MKI67: variants seen among roughly 807,000 people sequenced by gnomAD.
MKI67 encodes the protein marker of proliferation Ki-67, also known as proliferation marker protein Ki-67.
In MKI67, 152 loss-of-function variants were observed where a neutral mutation model predicts 233.5. That is an observed-to-expected ratio of 0.65 (90% confidence interval 0.57 to 0.74). The LOEUF is 0.74. MKI67 is among the 30% of genes least tolerant of loss of function. The probability of loss-of-function intolerance (pLI) is 0.00; values close to 1 mark genes in which losing one functional copy is unlikely to be tolerated. For synonymous variants in MKI67, 1,465 were observed against 1,418.5 expected, an observed-to-expected ratio of 1.03 and a Z score of -0.74; for missense variants, 3,940 against 3,885.2, an observed-to-expected ratio of 1.01 and a Z score of -0.37.
chr10:128,111,090 T>C (rs1852665135), intron 11 of MKI67, among the ~76,000 whole-genome samples: 1 of 152,220 alleles, frequency 6.6e-6, no homozygotes, highest in Admixed American at 6.5e-5. Context: ...AGTGTTGGGA[T>C]TACAGGCGTG....
At position 128,125,683 on chromosome 10, in the gene MKI67, T is replaced by G; in HGVS notation, c.-16A>C. The G allele has an allele frequency of 1.2e-6, 2 of 1,608,658 alleles. No individual in the cohort carries two copies. The highest frequency in any genetic ancestry group is 2.2e-5 in the East Asian group (1 of 44,824). On this transcript the variant is annotated 5_prime_UTR_variant, in exon 2 of 15. Coordinates refer to ENST00000368654, the MANE Select transcript of MKI67 (RefSeq NM_002417.5). The surrounding 1 kb of genome is among the most constrained non-coding windows in gnomAD (Gnocchi z 5.3). ...TGGGCCACATTTTCTAAACAGTAAGTTGAGTATAATCCGTAGGGGAAGGCC... is the reference window on the plus strand; with the variant it reads ...TGGGCCACATTTTCTAAACAGTAAGGTGAGTATAATCCGTAGGGGAAGGCC...
chr10:128,125,889 C>A lies in MKI67; in HGVS notation c.-89-133G>T. 1 of 543,340 alleles carries A rather than the reference C, an allele frequency of 1.8e-6. No individual in the cohort carries two copies. Among genetic ancestry groups the A allele is most frequent in the Non-Finnish European group, 3.3e-6 (1 of 304,912 alleles). The allele number at this position is 543,340 out of a possible 1,614,324, so 33.7% of individuals were successfully genotyped here. A position where few individuals can be genotyped will look rare whatever the true frequency, so the allele number is the denominator to read the frequency against. On this transcript the variant is annotated intron_variant, in intron 1 of 14. Transcript: ENST00000368654. The surrounding 1 kb of genome is among the most constrained non-coding windows in gnomAD (Gnocchi z 5.3). ...GGACCCCAGGACGATCCGACCGCAGCCCCCGGCGCCCCAAAGTCCGGCAGC... is the reference window on the plus strand; with the variant it reads ...GGACCCCAGGACGATCCGACCGCAGACCCCGGCGCCCCAAAGTCCGGCAGC...
chr10:128,110,617 A>G, intron 11 of MKI67, 84 bp from the exon 12 acceptor site: 3 of 1,045,870 alleles, frequency 2.9e-6, no homozygotes, highest in Non-Finnish European at 4.1e-6. Context: ...TAACGTGCAA[A>G]TGGTGGGAAA....
chr10:128,111,891 G>C, intron 10 of MKI67, 36 bp downstream of exon 10: 1 of 1,604,932 alleles, frequency 6.2e-7, no homozygotes, highest in Non-Finnish European at 8.5e-7. Flanking sequence ...CGATGACACC[G>C]GTATGTGTAA....
chr10:128,105,867 G>C lies in MKI67; in HGVS notation c.5973C>G (p.Thr1991=). ...TGAGTCGTTGCTTGGAGCTTGTTGGGGTTTTGACTGGGTCTGGTTGTGGAG... is the reference window on the plus strand; with the variant it reads ...TGAGTCGTTGCTTGGAGCTTGTTGGCGTTTTGACTGGGTCTGGTTGTGGAG... The part of the protein sequence containing the change: ...CKSPQPDPVK[T]PTSSKQRLKI... Residue 1991 remains threonine (T), a synonymous_variant, in exon 13 of 15, where the codon ACC becomes ACG. Coordinates refer to ENST00000368654, the MANE Select transcript of MKI67 (RefSeq NM_002417.5). 1.2e-6 allele frequency: 2 copies of C among 1,613,774 alleles called. No individual in the cohort carries two copies. The highest frequency in any genetic ancestry group is 2.7e-5 in the African/African-American group (2 of 74,896).
At position 128,106,628 on chromosome 10, in the gene MKI67, T is replaced by G; in HGVS notation, c.5212A>C (p.Arg1738=). Residue 1738 remains arginine, a synonymous_variant, in exon 13 of 15, where the codon AGA becomes CGA. Coordinates refer to ENST00000368654, the MANE Select transcript of MKI67 (RefSeq NM_002417.5). ...TCCACTAGGTCTGGCTGTGAAGCTC[T>G]GTAGGATACTTTGGTAGTTTTTTCG... ...TNEKTTKVSY[R]ASQPDLVDTP... is the part of the protein sequence containing the mutation. The G allele has an allele frequency of 1.2e-6, 2 of 1,614,192 alleles. No homozygotes were observed. The highest frequency in any genetic ancestry group is 1.7e-6 in the Non-Finnish European group (2 of 1,180,036).
rs151056270 is a variant in MKI67 at position 128,107,348 on chromosome 10, G to A, written c.4492C>T (p.Pro1498Ser). The change falls in exon 13 of 15, where the codon CCA (proline) becomes TCA (serine). Residue 1498 changes from proline to serine, a missense_variant. By Grantham distance (74) the Pro-to-Ser change is moderately conservative (BLOSUM62 -1). Transcript: ENST00000368654. ...KTTKIACRSQ[P>S]DPVDTPTSSK... is the part of the protein sequence containing the mutation. The stretch of plus-strand genomic sequence containing the variant: ...CTTGTTGGTGTGTCCACTGGGTCTG[G>A]TTGTGATCTGCAGGCTATTTTGGTA... 18 of 1,613,838 alleles carry A rather than the reference G, an allele frequency of 1.1e-5. No individual in the cohort carries two copies. The highest frequency in any genetic ancestry group is 2.2e-5 in the South Asian group (2 of 91,064).
At chr10:128,124,788 A>C (rs1321441798) in intron 2 of MKI67, among the ~76,000 whole-genome samples, 1 of 152,212 alleles carries the variant, frequency 6.6e-6, no homozygotes, top group Non-Finnish European at 1.5e-5. Flanking sequence ...AAATCACACA[A>C]GCTTGAGGAA....
Position 128,097,485 on chromosome 10 carries a change from A to G in MKI67, c.*1705T>C, listed in dbSNP as rs544210086. ...AGATTTCTGGTTAGAGCTGAACTCTAAAGGATTTTTCTACTAAACAGAATA... is the reference window on the plus strand; with the variant it reads ...AGATTTCTGGTTAGAGCTGAACTCTGAAGGATTTTTCTACTAAACAGAATA... On this transcript the variant is annotated 3_prime_UTR_variant, in exon 15 of 15. Transcript: ENST00000368654. 1 of 152,158 alleles carries G rather than the reference A, an allele frequency of 6.6e-6. No individual in the cohort carries two copies. The highest frequency in any genetic ancestry group is 1.5e-5 in the Non-Finnish European group (1 of 68,038). 9.4% of individuals were successfully genotyped at this position (152,158 alleles called of 1,614,324 possible).
chr10:128,116,693 G>A (rs1381283086), intron 5 of MKI67, among the ~76,000 whole-genome samples, 157 bp from the exon 6 acceptor site: 2 of 152,226 alleles, frequency 1.3e-5, no homozygotes, highest in African/African-American at 2.4e-5. Flanking sequence ...GATCACTTGA[G>A]GTCAGGAGTT....
intron 11 of MKI67, among the ~76,000 whole-genome samples, chr10:128,111,253 C>G (rs1157961600): frequency 1.3e-5 from 2 of 152,190 alleles, no homozygotes; most frequent in East Asian, 3.8e-4. Context: ...CCTAGAAAGT[C>G]AATCCTGAAG....
intron 8 of MKI67, 74 bp from the exon 9 acceptor site, chr10:128,112,519 T>G: frequency 7.2e-7 from 1 of 1,386,510 alleles, no homozygotes; most frequent in Non-Finnish European, 1.0e-6. Flanking sequence ...TAAAAACCTA[T>G]TCAGTTAAGA....
At position 128,115,238 on chromosome 10, in the gene MKI67, AAG is replaced by A; in HGVS notation, c.1168_1169del (p.Leu390TyrfsTer8). 1 of 1,614,224 alleles carries A rather than the reference AAG, an allele frequency of 6.2e-7. No individual in the cohort carries two copies. The highest frequency in any genetic ancestry group is 8.5e-7 in the Non-Finnish European group (1 of 1,180,042). On this transcript the variant is annotated frameshift_variant, in exon 7 of 15. Coordinates refer to ENST00000368654, the MANE Select transcript of MKI67 (RefSeq NM_002417.5). LOFTEE classifies it high-confidence loss of function. ...TTCTAGTTGAAAGCTTCCTGGGAGT[AAG>A]AGTTTTATCACCAGCCTTGAAGCCT... Reference protein sequence around the residue: ...SEGFKAGDKTLTPRKLSTRNR... With the variant: ...SEGFKAGDKTXTPRKLSTRNR...
At position 128,109,376 on chromosome 10, in the gene MKI67, C is replaced by T. The variant is rs1397295755; in HGVS notation, c.2464G>A (p.Asp822Asn). Reference sequence around the variant, plus strand: ...AAGGGAGGGCTTGCAGAGCATTTATCAGATGGCTGTTTTGCTGCATTCTGT... The same window carrying T: ...AAGGGAGGGCTTGCAGAGCATTTATTAGATGGCTGTTTTGCTGCATTCTGT... ...SAQNAAKQPS[D>N]KCSASPPLRR... The change falls in exon 13 of 15, where the codon GAT becomes AAT. Residue 822 changes from aspartate (D) to asparagine (N), a missense_variant. By Grantham distance (23) the Asp-to-Asn change is conservative. Coordinates refer to ENST00000368654, the MANE Select transcript of MKI67 (RefSeq NM_002417.5). 15 of 1,614,052 alleles carry T rather than the reference C, an allele frequency of 9.3e-6. 1 individual carries two copies. The South Asian group carries it at 1.4e-4, about 15-fold the overall frequency.
At position 128,108,504 on chromosome 10, in the gene MKI67, T is replaced by C. The variant is rs1479317643; in HGVS notation, c.3336A>G (p.Pro1112=). Residue 1112 remains proline, a synonymous_variant, in exon 13 of 15, where the codon CCA becomes CCG. Coordinates refer to ENST00000368654, the MANE Select transcript of MKI67 (RefSeq NM_002417.5). ...LAGFKELFQT[P]GPSEESMTDE... ...CAGTCATTGATTCCTCAGAGGGACC[T>C]GGTGTCTGGAAGAGCTCTTTGAAGC... 5.0e-6 allele frequency: 8 copies of C among 1,610,588 alleles called. 1 individual carries two copies. In the South Asian group the frequency reaches 8.8e-5, roughly 18 times the overall value.
Position 128,106,613 on chromosome 10 carries a change from CT to C in MKI67, c.5226del (p.Asp1743ThrfsTer2). The C allele has an allele frequency of 6.2e-7, 1 of 1,614,178 alleles. No homozygotes were observed. Among genetic ancestry groups the C allele is most frequent in the Non-Finnish European group, 8.5e-7 (1 of 1,180,044 alleles). On this transcript the variant is annotated frameshift_variant, in exon 13 of 15. Transcript: ENST00000368654. LOFTEE classifies it high-confidence loss of function. ...TTKVSYRASQ[P>X]DLVDTPTSSK... ...GAGCTTGTTGGGGTGTCCACTAGGT[CT>C]GGCTGTGAAGCTCTGTAGGATACTT...
Position 128,101,188 on chromosome 10 carries a change from G to C in MKI67, c.9705+70C>G. ...AAGATAATGCTTTTTGTTTGCCTTT[G>C]CAACCTTGGGCAAAAAATACATCAA... is the stretch of plus-strand genomic sequence containing the variant. On this transcript the variant is annotated intron_variant, in intron 14 of 14. Transcript: ENST00000368654. 3.3e-6 allele frequency: 5 copies of C among 1,495,678 alleles called. No homozygotes were observed. In the South Asian group the frequency reaches 6.3e-5, roughly 19 times the overall value. The allele number at this position is 1,495,678 out of a possible 1,614,324, so 92.7% of individuals were successfully genotyped here.
rs763797888 is a variant in MKI67, at chr10:128,119,261, G to A, written c.346C>T (p.Arg116Cys). 56 of 1,604,286 alleles carry A rather than the reference G, an allele frequency of 3.5e-5. No homozygotes were observed. The highest frequency in any genetic ancestry group is 4.4e-5 in the Non-Finnish European group (51 of 1,171,664). The change falls in exon 5 of 15, where the codon CGT becomes TGT. Residue 116 changes from arginine to cysteine, a missense_variant. Coordinates refer to ENST00000368654, the MANE Select transcript of MKI67 (RefSeq NM_002417.5). ...RKSTEFPRKI[R>C]EQEPARRVSR... The stretch of plus-strand genomic sequence containing the variant: ...TGGATATTTTCTATCACCTGTTCAC[G>A]TATTTTTCTTGGAAATTCAGTTGAC...
In MKI67 at chr10:128,105,801, T is replaced by C. The variant is rs530414506; in HGVS notation, c.6039A>G (p.Leu2013=). The C allele has an allele frequency of 2.5e-6, 4 of 1,614,224 alleles. No homozygotes were observed. The highest frequency in any genetic ancestry group is 1.3e-5 in the African/African-American group (1 of 75,062). ...LGKVGVKEEV[L]PVGKLTQTSG... Reference sequence around the variant, plus strand: ...ACGTCTGTGTGAGCTTGCCGACTGGTAGGACCTCTTCTTTCACACCTACTT... The same window carrying C: ...ACGTCTGTGTGAGCTTGCCGACTGGCAGGACCTCTTCTTTCACACCTACTT... The change falls in exon 13 of 15, where the codon CTA becomes CTG. Residue 2013 remains leucine, a synonymous_variant. Coordinates refer to ENST00000368654, the MANE Select transcript of MKI67 (RefSeq NM_002417.5).
Sources: allele counts gnomAD v4.1 joint callset (sites outside exome capture counted in the v4.1 genomes callset), GRCh38; gene constraint gnomAD v4.1.1; non-coding constraint Gnocchi (gnomAD v3.1); transcripts MANE v1.5; gene names NCBI Gene and HGNC (gene_info 2026-07-23, HGNC 2026-07-21).